The following SYT1 variants were observed in gnomAD, a reference collection of about 807,000 sequenced individuals.
The protein encoded by SYT1 is synaptotagmin 1.
SYT1 carries 8 observed loss-of-function variants against 44.8 expected under a neutral mutation model. That is an observed-to-expected ratio of 0.18 (90% CI 0.10 to 0.32). The LOEUF is 0.32. SYT1 is among the 10% of genes least tolerant of loss of function. The pLI, the probability that SYT1 is intolerant of heterozygous loss-of-function variation, is 1.00. For synonymous variants in SYT1, 154 were observed against 188.8 expected (o/e 0.82, Z 1.51); for missense variants, 286 against 509.3 (o/e 0.56, Z 4.22).
At chr12:79,404,245 T>C (rs551469475) in intron 9 of SYT1, among the ~76,000 whole-genome samples, 3 of 152,196 alleles carry the variant, frequency 2.0e-5, no homozygotes, top group African/African-American at 2.4e-5. Flanking sequence ...TTCCCATGAA[T>C]GGCAGACTAA....
At chr12:78,938,372 G>C (rs1440314877) in intron 1 of SYT1, among the ~76,000 whole-genome samples, 1 of 152,160 alleles carries the variant, frequency 6.6e-6, no homozygotes, top group Non-Finnish European at 1.5e-5. Context: ...TAGTGGAATA[G>C]AAATTGAGAA....
At chr12:79,162,060 T>A (rs1870982440) in intron 3 of SYT1, among the ~76,000 whole-genome samples, 1 of 152,138 alleles carries the variant, frequency 6.6e-6, no homozygotes, top group South Asian at 2.1e-4. Context: ...GTATTTTGAC[T>A]GAAACATGGA....
At chr12:78,879,650 C>A (rs1188996714) in intron 1 of SYT1, among the ~76,000 whole-genome samples, 1 of 151,740 alleles carries the variant, frequency 6.6e-6, no homozygotes, top group Non-Finnish European at 1.5e-5. Flanking sequence ...AAATTTTTAA[C>A]TCATAAATAT....
chr12:79,155,872 CA>C (rs1253393441), intron 3 of SYT1, among the ~76,000 whole-genome samples: 2 of 152,156 alleles, frequency 1.3e-5, no homozygotes, highest in Non-Finnish European at 2.9e-5. Flanking sequence ...TACTTTCAAC[CA>C]ACCAACGTGA....
chr12:79,111,977 T>C (rs1309768275), intron 3 of SYT1, among the ~76,000 whole-genome samples: 1 of 151,116 alleles, frequency 6.6e-6, no homozygotes, highest in Non-Finnish European at 1.5e-5. Flanking sequence ...AAATAATAGA[T>C]ACAATCTTTG....
chr12:79,040,748 T>C (rs1467314057), intron 2 of SYT1, among the ~76,000 whole-genome samples: 1 of 152,220 alleles, frequency 6.6e-6, no homozygotes. Flanking sequence ...AGGGTTTTTA[T>C]GGTTTTAGGT....
At chr12:79,073,073 A>T (rs757916730) in intron 3 of SYT1, among the ~76,000 whole-genome samples, 6 of 152,132 alleles carry the variant, frequency 3.9e-5, no homozygotes, top group African/African-American at 1.4e-4. Flanking sequence ...AATATTTTTC[A>T]TATGTCTGAT....
intron 4 of SYT1, among the ~76,000 whole-genome samples, chr12:79,274,369 G>A (rs1009832725): frequency 2.0e-5 from 3 of 152,190 alleles, no homozygotes; most frequent in Admixed American, 1.3e-4. Context: ...TTCTGCTGAA[G>A]TCTGCAGGTG....
In SYT1 at chr12:79,038,663, G is replaced by A. The variant is rs562901191; in HGVS notation, c.-83-8634G>A. On this transcript the variant is annotated intron_variant, in intron 2 of 10. Coordinates refer to ENST00000261205, the MANE Select transcript of SYT1 (RefSeq NM_005639.3). ...GGCATTTCAATGGGAGAGGGTCCAA[G>A]ACAGAAAACTCTGAGTTTATTAATA... Among the ~76,000 whole-genome samples, 7 of 151,910 alleles carry A rather than the reference G, an allele frequency of 4.6e-5. No individual in the cohort carries two copies. In the East Asian group the frequency reaches 1.4e-3, roughly 29 times the overall value.
At chr12:79,068,738 GCATGGTAGCT>G (rs762762276) in intron 3 of SYT1, among the ~76,000 whole-genome samples, 201 of 152,238 alleles carry the variant, frequency 1.3e-3, no homozygotes, top group Non-Finnish European at 2.2e-3. Flanking sequence ...AACCTGCCGG[GCATGGTAGCT>G]CATGCCTGTA....
chr12:79,232,302 G>C (rs1875916674), intron 4 of SYT1, among the ~76,000 whole-genome samples: 1 of 152,160 alleles, frequency 6.6e-6, no homozygotes. Flanking sequence ...TTACAACTCA[G>C]AACTTTTCTG....
intron 2 of SYT1, among the ~76,000 whole-genome samples, chr12:79,039,868 C>T (rs1188080686): frequency 1.4e-5 from 2 of 138,862 alleles, no homozygotes; most frequent in Admixed American, 1.5e-4. Context: ...TGAGAATATG[C>T]GGTGTTTGGT....
intron 1 of SYT1, among the ~76,000 whole-genome samples, chr12:78,929,065 T>C (rs891414256): frequency 6.6e-6 from 1 of 152,024 alleles, no homozygotes; most frequent in African/African-American, 2.4e-5. Flanking sequence ...TTTTATTTTA[T>C]GTCTTAAATA....
chr12:79,122,231 C>G (rs1868278885), intron 3 of SYT1, among the ~76,000 whole-genome samples: 1 of 152,090 alleles, frequency 6.6e-6, no homozygotes, highest in South Asian at 2.1e-4. Flanking sequence ...ATTCATATTT[C>G]AGGCCGGGCG....
chr12:78,875,488 A>T (rs1874017994), intron 1 of SYT1, among the ~76,000 whole-genome samples: 1 of 151,814 alleles, frequency 6.6e-6, no homozygotes, highest in Non-Finnish European at 1.5e-5. Context: ...CAGCCCTGTA[A>T]CTATCAGGGG....
At chr12:79,207,522 C>A (rs111794059) in intron 3 of SYT1, among the ~76,000 whole-genome samples, 35 of 152,280 alleles carry the variant, frequency 2.3e-4, no homozygotes, top group African/African-American at 8.2e-4. Flanking sequence ...GATGCTCTCC[C>A]TGCCCCACCA....
chr12:79,196,388 G>A (rs747024103), intron 3 of SYT1, among the ~76,000 whole-genome samples: 4 of 151,910 alleles, frequency 2.6e-5, no homozygotes, highest in African/African-American at 9.7e-5. Context: ...GGATGGTCTC[G>A]ATTTCTTGAC....
chr12:79,217,808 A>G (rs538460542), intron 4 of SYT1, 123 bp downstream of exon 4: 1 of 678,234 alleles, frequency 1.5e-6, no homozygotes, highest in African/African-American at 1.9e-5. Context: ...TACTATGGGA[A>G]TGATAGTATC....
chr12:79,021,894 C>T (rs564426579), intron 2 of SYT1, among the ~76,000 whole-genome samples: 126 of 151,508 alleles, frequency 8.3e-4, no homozygotes, highest in Non-Finnish European at 1.3e-3. Flanking sequence ...TATATTTGTA[C>T]GCCCCCTTTT....
Sources: gnomAD v4.1 joint callset for allele counts (sites outside exome capture counted in the v4.1 genomes callset) on GRCh38, gnomAD v4.1.1 for gene constraint, MANE v1.5 for transcripts, NCBI Gene and HGNC (gene_info 2026-07-23, HGNC 2026-07-21) for gene names.